The following PCDHGA5 variants were observed in gnomAD, a reference collection of about 807,000 sequenced individuals.
The protein encoded by PCDHGA5 is protocadherin gamma-A5.
PCDHGA5 carries 36 observed loss-of-function variants against 56.7 expected under a neutral mutation model. The ratio of observed to expected loss-of-function variants is 0.64; its 90% CI spans 0.49 to 0.84. The LOEUF (loss-of-function observed/expected upper bound fraction) is 0.84, where lower values mean the gene tolerates loss of function less well. PCDHGA5 is among the 40% of genes least tolerant of loss of function. The pLI is 0.00. For missense variants in PCDHGA5, 1,305 were observed against 1,201.5 expected, an observed-to-expected ratio of 1.09 and a Z score of -1.27; for synonymous variants, 563 against 520.2, an observed-to-expected ratio of 1.08 and a Z score of -1.12.
At chr5:141,397,961 G>A in intron 1 of PCDHGA5, 1 of 1,038,400 alleles carries the variant, frequency 9.6e-7, no homozygotes, top group Non-Finnish European at 1.4e-6. Context: ...CCCCAGCTCA[G>A]ACTCCCCAGC....
intron 1 of PCDHGA5, chr5:141,389,972 GA>G: frequency 6.2e-7 from 1 of 1,614,056 alleles, no homozygotes; most frequent in East Asian, 2.2e-5. Flanking sequence ...CCTTGGCCTT[GA>G]TCTCAGTGCT....
Position 141,399,437 on chromosome 5 carries a change from A to T in PCDHGA5, c.2421+32686A>T, listed in dbSNP as rs780100815. The stretch of plus-strand genomic sequence containing the variant: ...TCCTCCAGCATAAGCGTCATCCTAC[A>T]TATCAGAGACGTCAACGATAACGCT... On this transcript the variant is annotated intron_variant, in intron 1 of 3. Coordinates refer to ENST00000518069, the MANE Select transcript of PCDHGA5 (RefSeq NM_018918.3). 22 of 1,613,998 alleles carry T rather than the reference A, an allele frequency of 1.4e-5. No individual in the cohort carries two copies. The South Asian group carries it at 2.2e-4, about 16-fold the overall frequency.
intron 1 of PCDHGA5, chr5:141,377,601 C>G: frequency 7.5e-6 from 1 of 133,100 alleles, no homozygotes; most frequent in South Asian, 2.3e-4. Flanking sequence ...TTCTCTCTCT[C>G]TCTCAAAAAA....
chr5:141,492,548 C>T (rs1028674110), intron 1 of PCDHGA5, among the ~76,000 whole-genome samples: 5 of 152,218 alleles, frequency 3.3e-5, no homozygotes, highest in African/African-American at 9.6e-5. Flanking sequence ...TGGGCCGGGT[C>T]GCCTGGGGGG....
intron 1 of PCDHGA5, chr5:141,417,622 G>T (rs1036510827): frequency 1.5e-6 from 1 of 668,534 alleles, no homozygotes; most frequent in Non-Finnish European, 2.4e-6. Flanking sequence ...TGCAGAGCAA[G>T]CGCTGACGCC....
rs774858191 is a variant in PCDHGA5 at position 141,413,689 on chromosome 5, C to T, written c.2421+46938C>T. On this transcript the variant is annotated intron_variant, in intron 1 of 3. Transcript: ENST00000518069. Reference sequence around the variant, plus strand: ...TCCGGATGTGGGCGTGAACTCCCTGCAGAGCTATCAGCTCAGCCCCAATAA... The same window carrying T: ...TCCGGATGTGGGCGTGAACTCCCTGTAGAGCTATCAGCTCAGCCCCAATAA... 6 of 1,613,800 alleles carry T rather than the reference C, an allele frequency of 3.7e-6. No individual in the cohort carries two copies. The Admixed American group carries it at 5.0e-5, about 13-fold the overall frequency.
chr5:141,407,425 CTT>C (rs1307911949), intron 1 of PCDHGA5, among the ~76,000 whole-genome samples: 3 of 151,864 alleles, frequency 2.0e-5, no homozygotes, highest in African/African-American at 4.8e-5. Context: ...AAAAATGTCT[CTT>C]GCCCTTAAAA....
At chr5:141,474,965 A>T (rs1268347441) in intron 1 of PCDHGA5, among the ~76,000 whole-genome samples, 1 of 152,236 alleles carries the variant, frequency 6.6e-6, no homozygotes, top group Non-Finnish European at 1.5e-5. Context: ...TATCCTAATC[A>T]TTATAATTTT....
chr5:141,417,647 C>G, intron 1 of PCDHGA5: 8 of 812,384 alleles, frequency 9.8e-6, no homozygotes, highest in Non-Finnish European at 1.5e-5. Flanking sequence ...ATCCCTCAGC[C>G]TCTAGCCTGG....
chr5:141,390,665 T>C, intron 1 of PCDHGA5: 1 of 192,900 alleles, frequency 5.2e-6, no homozygotes, highest in Non-Finnish European at 1.1e-5. Context: ...ACCATAAATA[T>C]AAAAATAATA....
At chr5:141,430,653 A>G (rs2097300223) in intron 1 of PCDHGA5, 4 of 1,073,410 alleles carry the variant, frequency 3.7e-6, no homozygotes, top group Middle Eastern at 2.4e-4. Context: ...TGTGGAAACA[A>G]CGGAGGAGCT....
At chr5:141,405,659 G>T (rs867774573) in intron 1 of PCDHGA5, among the ~76,000 whole-genome samples, 1 of 152,106 alleles carries the variant, frequency 6.6e-6, no homozygotes, top group East Asian at 1.9e-4. Flanking sequence ...TGTGTTTTTA[G>T]TAGAGACGGG....
Position 141,366,763 on chromosome 5 carries a change from C to T in PCDHGA5, c.2421+12C>T, listed in dbSNP as rs1764787065. The T allele has an allele frequency of 1.9e-6, 3 of 1,604,810 alleles. No individual in the cohort carries two copies. The highest frequency in any genetic ancestry group is 2.6e-6 in the Non-Finnish European group (3 of 1,173,496). ...AACGGCGAGTTCAGGTTAGTTTTCTCTTTCGGTAAGGATGACCAGAACATT... is the reference window on the plus strand; with the variant it reads ...AACGGCGAGTTCAGGTTAGTTTTCTTTTTCGGTAAGGATGACCAGAACATT... On this transcript the variant is annotated intron_variant, in intron 1 of 3. Transcript: ENST00000518069.
rs11575965 is a variant in PCDHGA5 at position 141,430,679 on chromosome 5, T to C, written c.2421+63928T>C. 6,478 of 1,333,262 alleles carry C rather than the reference T, an allele frequency of 4.9e-3. 34 individuals carry two copies. Among genetic ancestry groups the C allele is most frequent in the Admixed American group, 9.3e-3 (354 of 37,978 alleles). 82.6% of individuals were successfully genotyped at this position (1,333,262 alleles called of 1,614,324 possible). ...CGGAGGAGCTCTGACTTCCCAACTG[T>C]CCCATTCTATGGGCGAAGGAACTGC... On this transcript the variant is annotated intron_variant, in intron 1 of 3. Coordinates refer to ENST00000518069, the MANE Select transcript of PCDHGA5 (RefSeq NM_018918.3).
At chr5:141,375,305 G>A in intron 1 of PCDHGA5, 1 of 1,613,812 alleles carries the variant, frequency 6.2e-7, no homozygotes, top group African/African-American at 1.3e-5. Context: ...AGTGACAAAT[G>A]CAGCTCTAGA....
Position 141,366,450 on chromosome 5 carries a change from T to C in PCDHGA5, c.2120T>C (p.Phe707Ser). ...GCAGTCTCCTGCGTCTTCCTGGCCT[T>C]CGTCATCGTGCTGCTGGTGCTCAGA... Reference protein sequence around the residue: ...VAAVSCVFLAFVIVLLVLRLR... With the variant: ...VAAVSCVFLASVIVLLVLRLR... The change falls in exon 1 of 4, where the codon TTC becomes TCC. Residue 707 changes from phenylalanine to serine, a missense_variant. Physicochemically the swap from Phe to Ser is radical, Grantham distance 155 (BLOSUM62 -2). Coordinates refer to ENST00000518069, the MANE Select transcript of PCDHGA5 (RefSeq NM_018918.3). 6 of 1,614,230 alleles carry C rather than the reference T, an allele frequency of 3.7e-6. No individual in the cohort carries two copies. Among genetic ancestry groups the C allele is most frequent in the Non-Finnish European group, 5.1e-6 (6 of 1,180,050 alleles).
intron 1 of PCDHGA5, among the ~76,000 whole-genome samples, chr5:141,470,430 T>C (rs994304635): frequency 6.6e-6 from 1 of 152,232 alleles, no homozygotes; most frequent in Non-Finnish European, 1.5e-5. Flanking sequence ...TTTCCTTGTG[T>C]GCAATAATTT....
chr5:141,383,521 C>T (rs1434665459), intron 1 of PCDHGA5: 5 of 1,612,260 alleles, frequency 3.1e-6, no homozygotes, highest in Non-Finnish European at 4.2e-6. Flanking sequence ...AGAGCGGGTT[C>T]ACCACCTGGT....
intron 1 of PCDHGA5, chr5:141,385,140 G>T: frequency 1.9e-6 from 3 of 1,614,190 alleles, no homozygotes; most frequent in Non-Finnish European, 2.5e-6. Context: ...ACGGGGTGCA[G>T]GCTTTCCTGC....
Sources: gnomAD v4.1 joint callset for allele counts (sites outside exome capture counted in the v4.1 genomes callset) on GRCh38, gnomAD v4.1.1 for gene constraint, MANE v1.5 for transcripts, NCBI Gene and HGNC (gene_info 2026-07-23, HGNC 2026-07-21) for gene names.